Variants in PTPRT observed in about 807,000 individuals in gnomAD.
PTPRT encodes protein tyrosine phosphatase receptor type T, also known as receptor-type tyrosine-protein phosphatase T.
A neutral mutation model predicts 176.8 loss-of-function variants in PTPRT; 56 were observed. The ratio of observed to expected loss-of-function variants is 0.32; its 90% CI spans 0.26 to 0.40. The LOEUF is 0.40. PTPRT is among the 10% of genes least tolerant of loss of function. The pLI is 1.00. For synonymous variants in PTPRT, 783 were observed against 739.0 expected (o/e 1.06, Z -0.96); for missense variants, 1,540 against 1,908.2 (o/e 0.81, Z 3.60).
intron 19 of PTPRT, among the ~76,000 whole-genome samples, chr20:42,124,876 A>G (rs1987775980): frequency 6.6e-6 from 1 of 152,024 alleles, no homozygotes; most frequent in South Asian, 2.1e-4. Flanking sequence ...TTTTCCTTCC[A>G]TGGTCTGCTC....
At chr20:42,683,721 T>C (rs2075644659) in intron 6 of PTPRT, among the ~76,000 whole-genome samples, 1 of 152,234 alleles carries the variant, frequency 6.6e-6, no homozygotes, top group Middle Eastern at 3.2e-3. Flanking sequence ...AACACTGTTT[T>C]CATACAATAA....
chr20:43,070,708 G>A lies in PTPRT; in HGVS notation c.88+118938C>T, dbSNP rs1351658986. Among the ~76,000 whole-genome samples the A allele has an allele frequency of 3.3e-5, 5 of 151,962 alleles. No homozygotes were observed. The East Asian group carries it at 7.7e-4, about 24-fold the overall frequency. ...GATGAAGCTGGAAACCATCATTCTC[G>A]GCAAACTCTCGCAAGGATAAAAAAC... On this transcript the variant is annotated intron_variant, in intron 1 of 30. Coordinates refer to ENST00000373187, the MANE Select transcript of PTPRT (RefSeq NM_007050.6).
Position 42,517,274 on chromosome 20 carries a change from T to C in PTPRT, c.1154-44712A>G, listed in dbSNP as rs142268765. 3.4e-3 allele frequency among the ~76,000 whole-genome samples: 516 copies of C among 152,126 alleles called. 2 individuals are homozygous for C. Among genetic ancestry groups the C allele is most frequent in the African/African-American group, 0.011 (476 of 41,562 alleles). On this transcript the variant is annotated intron_variant, in intron 7 of 30. Coordinates refer to ENST00000373187, the MANE Select transcript of PTPRT (RefSeq NM_007050.6). Reference sequence around the variant, plus strand: ...GTTTTAATATTTTTCTACAATTCACTCATTTCAGGTTAATTCTTTAGGGTA... The same window carrying C: ...GTTTTAATATTTTTCTACAATTCACCCATTTCAGGTTAATTCTTTAGGGTA...
At position 42,260,720 on chromosome 20, in the gene PTPRT, C is replaced by A. The variant is rs552306302; in HGVS notation, c.2177-11898G>T. On this transcript the variant is annotated intron_variant, in intron 13 of 30. Transcript: ENST00000373187. Reference sequence around the variant, plus strand: ...ATTCCGGGACACTGAGAACAGGTTACCACAGCCTGGCTTGTGAAGCAAAGC... The same window carrying A: ...ATTCCGGGACACTGAGAACAGGTTAACACAGCCTGGCTTGTGAAGCAAAGC... Among the ~76,000 whole-genome samples, 9 of 152,234 alleles carry A rather than the reference C, an allele frequency of 5.9e-5. No homozygotes were observed. In the South Asian group the frequency reaches 1.9e-3, roughly 32 times the overall value.
At chr20:42,144,970 C>A (rs150626623) in intron 17 of PTPRT, among the ~76,000 whole-genome samples, 2 of 152,178 alleles carry the variant, frequency 1.3e-5, no homozygotes, top group Non-Finnish European at 2.9e-5. Context: ...CATGGTTCTA[C>A]CTTTCTTGCA....
At chr20:42,213,039 G>T (rs924838561) in intron 15 of PTPRT, among the ~76,000 whole-genome samples, 1 of 152,116 alleles carries the variant, frequency 6.6e-6, no homozygotes, top group African/African-American at 2.4e-5. Flanking sequence ...ATTATAGTGT[G>T]CCACTAAGCT....
chr20:42,623,112 A>T (rs1035622469), intron 7 of PTPRT, among the ~76,000 whole-genome samples: 1 of 152,024 alleles, frequency 6.6e-6, no homozygotes, highest in African/African-American at 2.4e-5. Context: ...CACCTCCACC[A>T]CTCAAAAAGA....
At chr20:42,577,436 C>T (rs999824883) in intron 7 of PTPRT, among the ~76,000 whole-genome samples, 5 of 152,228 alleles carry the variant, frequency 3.3e-5, no homozygotes, top group Middle Eastern at 3.4e-3. Flanking sequence ...GGGACACAGA[C>T]GGAGACCCAG....
In PTPRT at chr20:42,088,276, C is replaced by T. The variant is rs541089139; in HGVS notation, c.3847-2423G>A. ...AGTTTGGGATTGAGTCTCTCCTCAG[C>T]GGGGGTCTGGTTCAGGCTACCCCAG... On this transcript the variant is annotated intron_variant, in intron 27 of 30. Coordinates refer to ENST00000373187, the MANE Select transcript of PTPRT (RefSeq NM_007050.6). 2.4e-3 allele frequency among the ~76,000 whole-genome samples: 370 copies of T among 152,226 alleles called. 1 individual carries two copies. The highest frequency in any genetic ancestry group is 4.2e-3 in the Non-Finnish European group (289 of 68,008).
intron 23 of PTPRT, among the ~76,000 whole-genome samples, chr20:42,107,338 A>AAGAC (rs1412901147): frequency 6.6e-6 from 1 of 152,214 alleles, no homozygotes; most frequent in East Asian, 1.9e-4. Context: ...AGCTGTCCCC[A>AAGAC]AGACAGAGAG....
intron 1 of PTPRT, among the ~76,000 whole-genome samples, chr20:43,027,661 C>T (rs1040569239): frequency 1.3e-5 from 2 of 152,072 alleles, no homozygotes; most frequent in Non-Finnish European, 2.9e-5. Context: ...ACAAACCTGC[C>T]AGCACCTCAA....
intron 7 of PTPRT, among the ~76,000 whole-genome samples, chr20:42,477,059 A>G (rs1163232252): frequency 1.3e-5 from 2 of 152,180 alleles, no homozygotes; most frequent in African/African-American, 4.8e-5. Context: ...CAGCGACCTC[A>G]GTCCTCAGGT....
At chr20:42,726,995 C>T (rs2076390386) in intron 6 of PTPRT, among the ~76,000 whole-genome samples, 2 of 152,244 alleles carry the variant, frequency 1.3e-5, no homozygotes, top group South Asian at 4.2e-4. Context: ...ATGTCAGTGC[C>T]CCTCACAAAA....
intron 7 of PTPRT, among the ~76,000 whole-genome samples, chr20:42,671,293 G>A (rs557690415): frequency 6.6e-6 from 1 of 152,230 alleles, no homozygotes; most frequent in South Asian, 2.1e-4. Context: ...ACTGGATAGA[G>A]GATAATAGTC....
intron 1 of PTPRT, among the ~76,000 whole-genome samples, chr20:42,995,833 T>C (rs761624686): frequency 2.3e-4 from 35 of 152,288 alleles, no homozygotes; most frequent in Non-Finnish European, 4.9e-4. Flanking sequence ...TTTATAATTT[T>C]TTTTAATAGT....
At chr20:42,241,128 G>C (rs944338883) in intron 14 of PTPRT, among the ~76,000 whole-genome samples, 3 of 152,200 alleles carry the variant, frequency 2.0e-5, no homozygotes, top group African/African-American at 7.2e-5. Context: ...CTGATTTAAA[G>C]AGCCTGTATT....
At chr20:42,061,727 A>C in the PTPRT span, among the ~76,000 whole-genome samples, 1 of 152,106 alleles carries the variant, frequency 6.6e-6, no homozygotes, top group African/African-American at 2.4e-5. Context: ...GCCACTCTCG[A>C]GTTTCCTTGG....
chr20:42,699,471 T>C (rs2075940240), intron 6 of PTPRT, among the ~76,000 whole-genome samples: 1 of 145,448 alleles, frequency 6.9e-6, no homozygotes, highest in East Asian at 2.0e-4. Context: ...AAATGTACAT[T>C]AACTTGTAAA....
At chr20:42,269,592 C>T (rs964730083) in intron 13 of PTPRT, among the ~76,000 whole-genome samples, 4 of 152,214 alleles carry the variant, frequency 2.6e-5, no homozygotes, top group South Asian at 2.1e-4. Flanking sequence ...GAATGGCATA[C>T]ATTTATGTGA....
Sources: gnomAD v4.1 joint callset for allele counts (sites outside exome capture counted in the v4.1 genomes callset) on GRCh38, gnomAD v4.1.1 for gene constraint, MANE v1.5 for transcripts, NCBI Gene and HGNC (gene_info 2026-07-23, HGNC 2026-07-21) for gene names.